GRIP1: variants seen among roughly 807,000 people sequenced by gnomAD.
GRIP1 encodes glutamate receptor interacting protein 1.
A neutral mutation model predicts 129.9 loss-of-function variants in GRIP1; 45 were observed. The observed-to-expected ratio is 0.35, with a 90% CI of 0.27 to 0.44. GRIP1 has a LOEUF of 0.44. GRIP1 is among the 20% of genes least tolerant of loss of function. The pLI is 1.00. For missense variants in GRIP1, 1,196 were observed against 1,396.8 expected (o/e 0.86, Z 2.29); for synonymous variants, 530 against 520.8 (o/e 1.02, Z -0.24).
At chr12:66,448,543 A>G (rs2138150944) in intron 11 of GRIP1, among the ~76,000 whole-genome samples, 1 of 152,084 alleles carries the variant, frequency 6.6e-6, no homozygotes, top group East Asian at 2.0e-4. Context: ...TGAGGCCCCA[A>G]CTTATTTACT....
chr12:66,489,270 A>G (rs1185635370), intron 7 of GRIP1, among the ~76,000 whole-genome samples: 1 of 152,216 alleles, frequency 6.6e-6, no homozygotes, highest in Non-Finnish European at 1.5e-5. Flanking sequence ...CAAAAGGCTT[A>G]TCCACCATGA....
chr12:66,859,822 T>C (rs1258003349), intron 1 of GRIP1, among the ~76,000 whole-genome samples: 1 of 152,064 alleles, frequency 6.6e-6, no homozygotes, highest in Non-Finnish European at 1.5e-5. Context: ...CAGCACCAGT[T>C]GCACTTGGGG....
At position 66,358,679 on chromosome 12, in the gene GRIP1, C is replaced by A. The variant is rs116613428; in HGVS notation, c.3013-5116G>T. Among the ~76,000 whole-genome samples the A allele has an allele frequency of 1.4e-3, 209 of 152,164 alleles. 1 individual carries two copies. Among genetic ancestry groups the A allele is most frequent in the African/African-American group, 4.8e-3 (198 of 41,524 alleles). Reference sequence around the variant, plus strand: ...GGCCAGGATGGTCTTGAACTCCTAACCTAAAATGAGCTCCTGACCTCCTGC... The same window carrying A: ...GGCCAGGATGGTCTTGAACTCCTAAACTAAAATGAGCTCCTGACCTCCTGC... On this transcript the variant is annotated intron_variant, in intron 23 of 24. Coordinates refer to ENST00000359742, the MANE Select transcript of GRIP1 (RefSeq NM_001366722.1).
At position 66,741,219 on chromosome 12, in the gene GRIP1, T is replaced by C. The variant is rs557410059; in HGVS notation, c.-420+62834A>G. Among the ~76,000 whole-genome samples the C allele has an allele frequency of 2.0e-5, 3 of 152,312 alleles. No individual in the cohort carries two copies. The East Asian group carries it at 5.8e-4, about 29-fold the overall frequency. On this transcript the variant is annotated intron_variant, in intron 1 of 4. Coordinates refer to the GRIP1 transcript ENST00000538373. ...AGGATATCTATCCATAATCAACATTTGATAGCAGTTCTTACTTTTTAAAAA... is the reference window on the plus strand; with the variant it reads ...AGGATATCTATCCATAATCAACATTCGATAGCAGTTCTTACTTTTTAAAAA...
chr12:66,744,520 G>A (rs901201892), intron 1 of GRIP1, among the ~76,000 whole-genome samples: 4 of 152,118 alleles, frequency 2.6e-5, no homozygotes, highest in African/African-American at 7.2e-5. Context: ...GTCCTACGGT[G>A]CATTCTGACC....
chr12:67,047,451 A>G (rs1415452576), intron 1 of GRIP1, among the ~76,000 whole-genome samples: 1 of 152,128 alleles, frequency 6.6e-6, no homozygotes, highest in Non-Finnish European at 1.5e-5. Flanking sequence ...CAATATGTAT[A>G]CAATTTAACA....
At chr12:66,742,643 A>C (rs2036823429) in intron 1 of GRIP1, among the ~76,000 whole-genome samples, 1 of 152,162 alleles carries the variant, frequency 6.6e-6, no homozygotes, top group African/African-American at 2.4e-5. Context: ...ATGTTAAAAA[A>C]AAAAGTGCAT....
intron 2 of GRIP1, chr12:66,567,961 G>A (rs184906585): frequency 3.5e-4 from 60 of 171,584 alleles, no homozygotes; most frequent in Admixed American, 6.7e-4. Flanking sequence ...AAGACACAGG[G>A]CTTGTGGCCC....
chr12:66,936,636 T>C (rs904319727), intron 1 of GRIP1, among the ~76,000 whole-genome samples: 2 of 152,118 alleles, frequency 1.3e-5, no homozygotes, highest in Non-Finnish European at 1.5e-5. Flanking sequence ...GAATTTGTAG[T>C]TGGTCAGAAA....
At position 66,444,746 on chromosome 12, in the gene GRIP1, T is replaced by C. The variant is rs772825051; in HGVS notation, c.1542-17A>G. The C allele has an allele frequency of 5.1e-5, 82 of 1,612,926 alleles. No homozygotes were observed. In the Admixed American group the frequency reaches 8.3e-4, roughly 16 times the overall value. ...ACCCCACATCTAATTTAGAACCACATGTGAGAGGTTGTAGATGGAGTAAAT... is the reference window on the plus strand; with the variant it reads ...ACCCCACATCTAATTTAGAACCACACGTGAGAGGTTGTAGATGGAGTAAAT... On this transcript the variant is annotated splice_polypyrimidine_tract_variant and intron_variant, in intron 12 of 24. Coordinates refer to ENST00000359742, the MANE Select transcript of GRIP1 (RefSeq NM_001366722.1).
intron 1 of GRIP1, among the ~76,000 whole-genome samples, chr12:66,922,580 A>C (rs2041231118): frequency 6.6e-6 from 1 of 152,240 alleles, no homozygotes; most frequent in Admixed American, 6.5e-5. Flanking sequence ...TACAGGCAGC[A>C]ATGTGCTTGA....
intron 1 of GRIP1, among the ~76,000 whole-genome samples, chr12:66,917,467 G>A (rs568509262): frequency 9.9e-5 from 15 of 152,194 alleles, no homozygotes; most frequent in Non-Finnish European, 1.9e-4. Context: ...ATTGTTTATG[G>A]GAAAACTATG....
At chr12:67,043,868 TA>T (rs547866095) in intron 1 of GRIP1, among the ~76,000 whole-genome samples, 27 of 152,306 alleles carry the variant, frequency 1.8e-4, no homozygotes, top group Admixed American at 1.2e-3. Context: ...ACTTGAAGTT[TA>T]TTTTTTTTTT....
At chr12:66,577,969 A>G (rs2063200480) in intron 2 of GRIP1, among the ~76,000 whole-genome samples, 1 of 152,166 alleles carries the variant, frequency 6.6e-6, no homozygotes, top group Non-Finnish European at 1.5e-5. Flanking sequence ...CAACCAACCA[A>G]TCAACAAAAC....
At chr12:66,364,492 G>A (rs1308406762) in intron 23 of GRIP1, among the ~76,000 whole-genome samples, 1 of 151,960 alleles carries the variant, frequency 6.6e-6, no homozygotes, top group Middle Eastern at 3.4e-3. Context: ...AATTCCTGGC[G>A]GGCCCTGAGA....
chr12:66,806,695 T>C (rs529526632), upstream of GRIP1, among the ~76,000 whole-genome samples: 1 of 152,264 alleles, frequency 6.6e-6, no homozygotes, highest in South Asian at 2.1e-4. Flanking sequence ...TCTCAAGCAG[T>C]GGTAAGCAAC....
intron 1 of GRIP1, among the ~76,000 whole-genome samples, chr12:67,014,749 C>T (rs2042760617): frequency 6.6e-6 from 1 of 151,954 alleles, no homozygotes; most frequent in South Asian, 2.1e-4. Flanking sequence ...TTTTGTTTAC[C>T]TAGTATTTAT....
intron 19 of GRIP1, among the ~76,000 whole-genome samples, chr12:66,384,068 C>G (rs2137428512): frequency 2.0e-5 from 3 of 152,244 alleles, no homozygotes; most frequent in Middle Eastern, 3.4e-3. Flanking sequence ...GCTCGAAGTG[C>G]CTGTTTCTTT....
intron 1 of GRIP1, among the ~76,000 whole-genome samples, chr12:67,018,079 T>C (rs1386377213): frequency 6.6e-6 from 1 of 152,220 alleles, no homozygotes; most frequent in African/African-American, 2.4e-5. Flanking sequence ...TGGTGTCCTC[T>C]GTCGTCCTGG....
Sources: gnomAD v4.1 joint callset for allele counts (sites outside exome capture counted in the v4.1 genomes callset) on GRCh38, gnomAD v4.1.1 for gene constraint, MANE v1.5 for transcripts, NCBI Gene and HGNC (gene_info 2026-07-23, HGNC 2026-07-21) for gene names.